The following CNTFR variants were observed in gnomAD, a reference collection of about 807,000 sequenced individuals.
CNTFR encodes the protein ciliary neurotrophic factor receptor subunit alpha.
In CNTFR, 12 loss-of-function variants were observed where a neutral mutation model predicts 40.4. That is an observed-to-expected ratio of 0.30 (90% CI 0.19 to 0.48). The LOEUF (loss-of-function observed/expected upper bound fraction) is 0.48. CNTFR is among the 20% of genes least tolerant of loss of function. The pLI is 0.99. For synonymous variants in CNTFR, 202 were observed against 209.6 expected, an observed-to-expected ratio of 0.96 and a Z score of 0.31; for missense variants, 414 against 506.8, an observed-to-expected ratio of 0.82 and a Z score of 1.76.
chr9:34,585,919 C>G (rs939505283), intron 1 of CNTFR, among the ~76,000 whole-genome samples: 1 of 152,238 alleles, frequency 6.6e-6, no homozygotes, highest in Admixed American at 6.5e-5. Context: ...GATTCATTTA[C>G]ACTTCAACTC....
intron 2 of CNTFR, among the ~76,000 whole-genome samples, chr9:34,572,247 G>A (rs912843514): frequency 6.6e-6 from 1 of 151,874 alleles, no homozygotes; most frequent in African/African-American, 2.4e-5. Flanking sequence ...TCCCAACTGG[G>A]CCCAATGCCC....
intron 7 of CNTFR, among the ~76,000 whole-genome samples, chr9:34,553,703 C>T (rs917485428): frequency 2.0e-5 from 3 of 152,182 alleles, no homozygotes; most frequent in African/African-American, 7.2e-5. Context: ...ACTCTCGCCC[C>T]GCTGGCCCCA....
At chr9:34,566,508 G>A (rs966067782) in intron 3 of CNTFR, among the ~76,000 whole-genome samples, 1 of 151,974 alleles carries the variant, frequency 6.6e-6, no homozygotes, top group Non-Finnish European at 1.5e-5. Flanking sequence ...GCCACTGAGC[G>A]CCCCCAACAG....
In CNTFR at chr9:34,578,162, C is replaced by CGGGTGGGCGAGGGGCCG. The variant is rs1189919070; in HGVS notation, c.-1+2916_-1+2932dup. On this transcript the variant is annotated intron_variant, in intron 2 of 9. Transcript: ENST00000378980. ...CAACCCCCACAGCGGTCCCGGCGGG[C>CGGGTGGGCGAGGGGCCG]GGGTGGGCGAGGGGCCGGGCCGCGC... 1.7e-3 allele frequency among the ~76,000 whole-genome samples: 247 copies of CGGGTGGGCGAGGGGCCG among 143,924 alleles called. 2 individuals are homozygous for CGGGTGGGCGAGGGGCCG. Among genetic ancestry groups the CGGGTGGGCGAGGGGCCG allele is most frequent in the African/African-American group, 5.9e-3 (233 of 39,438 alleles). 94.4% of individuals were successfully genotyped at this position (143,924 alleles called of 152,430 possible). A position where few individuals can be genotyped will look rare whatever the true frequency, so the allele number is the denominator to read the frequency against.
chr9:34,556,179 C>A (rs1160783231), intron 7 of CNTFR, 76 bp downstream of exon 7: 4 of 1,494,022 alleles, frequency 2.7e-6, no homozygotes, highest in Non-Finnish European at 3.7e-6. Flanking sequence ...GCTGCTGCCA[C>A]GTGGGATATG....
At chr9:34,558,794 T>A (rs941884108) in intron 4 of CNTFR, among the ~76,000 whole-genome samples, 4 of 152,078 alleles carry the variant, frequency 2.6e-5, no homozygotes, top group African/African-American at 9.7e-5. Flanking sequence ...CACTCTGGAA[T>A]AGGAAGGCCC....
intron 4 of CNTFR, among the ~76,000 whole-genome samples, chr9:34,562,066 G>A: frequency 6.6e-6 from 1 of 152,238 alleles, no homozygotes; most frequent in East Asian, 1.9e-4. Flanking sequence ...ACCTCTCAAA[G>A]AAGATCACAT....
chr9:34,552,330 C>G lies in CNTFR; in HGVS notation c.950-1G>C. 6.5e-7 allele frequency: 1 copy of G among 1,536,182 alleles called. No individual in the cohort carries two copies. ...GAGCTGGTGGTGCTGGTCGTGGTCT[C>G]TGGGGAACATGGGGGAAACTCAGGG... On this transcript the variant is annotated splice_acceptor_variant, in intron 8 of 9. Transcript: ENST00000378980. LOFTEE classifies it high-confidence loss of function. This position sits in a 1 kb window ranked among gnomAD's most constrained non-coding sequence, Gnocchi z 5.1.
chr9:34,583,840 G>A (rs1564076863), intron 1 of CNTFR, among the ~76,000 whole-genome samples: 1 of 152,096 alleles, frequency 6.6e-6, no homozygotes, highest in Non-Finnish European at 1.5e-5. Context: ...GCAATTTCAC[G>A]GAGGGGCCCA....
intron 4 of CNTFR, among the ~76,000 whole-genome samples, chr9:34,559,466 C>T (rs10972147): frequency 0.019 from 2,890 of 152,304 alleles, 42 homozygotes; most frequent in Non-Finnish European, 0.029. Context: ...CCAGCTGAGA[C>T]CCCACAGGGC....
rs774731062 is a variant in CNTFR, at chr9:34,568,878, G to A, written c.85+19C>T. 1.8e-5 allele frequency: 28 copies of A among 1,567,000 alleles called. No homozygotes were observed. In the African/African-American group the frequency reaches 2.0e-4, roughly 11 times the overall value. On this transcript the variant is annotated intron_variant, in intron 3 of 9. Transcript: ENST00000378980. ...AGCTCTGAGAGGGGGGTCAGCAGGC[G>A]GCTCCCGTGAGCACTCACCCTGTGG...
intron 4 of CNTFR, among the ~76,000 whole-genome samples, chr9:34,562,696 C>A (rs561663865): frequency 5.6e-4 from 85 of 152,192 alleles, no homozygotes; most frequent in African/African-American, 2.0e-3. Flanking sequence ...TAAAATGAGG[C>A]CAGAGGAGCT....
chr9:34,555,073 C>T (rs147034432), intron 7 of CNTFR, among the ~76,000 whole-genome samples: 36 of 152,236 alleles, frequency 2.4e-4, no homozygotes, highest in Non-Finnish European at 4.6e-4. Context: ...GTGTGGTGGG[C>T]GGTGTGCCAG....
intron 1 of CNTFR, among the ~76,000 whole-genome samples, chr9:34,586,014 A>C (rs554330231): frequency 3.7e-4 from 57 of 152,194 alleles, no homozygotes; most frequent in African/African-American, 1.3e-3. Flanking sequence ...CAGGACGGGG[A>C]GCAGTTACAG....
chr9:34,577,156 G>C (rs927762354), intron 2 of CNTFR, among the ~76,000 whole-genome samples: 4 of 152,184 alleles, frequency 2.6e-5, no homozygotes, highest in Non-Finnish European at 4.4e-5. Context: ...GAGTAGACGC[G>C]GAGTCGCTGT....
chr9:34,558,556 G>A (rs1813882606), intron 4 of CNTFR, among the ~76,000 whole-genome samples: 1 of 152,184 alleles, frequency 6.6e-6, no homozygotes, highest in Non-Finnish European at 1.5e-5. Flanking sequence ...AGGGGTATAC[G>A]TGCTACATGC....
Position 34,557,553 on chromosome 9 carries a change from C to A in CNTFR, c.577G>T (p.Ala193Ser). The A allele has an allele frequency of 6.2e-7, 1 of 1,614,172 alleles. No homozygotes were observed. The highest frequency in any genetic ancestry group is 8.5e-7 in the Non-Finnish European group (1 of 1,180,004). Residue 193 changes from alanine (A) to serine (S), a missense_variant, in exon 6 of 10, where the codon GCT becomes TCT. Ala to Ser is a moderately conservative substitution (Grantham distance 99). Coordinates refer to ENST00000378980, the MANE Select transcript of CNTFR (RefSeq NM_147164.3). The surrounding 1 kb of genome is among the most constrained non-coding windows in gnomAD (Gnocchi z 4.2). ...ATGGTGAACTCGTCAAAGGTGATAGCTGTGGCATTGTGGCCCAGGGCATTG... is the reference window on the plus strand; with the variant it reads ...ATGGTGAACTCGTCAAAGGTGATAGATGTGGCATTGTGGCCCAGGGCATTG... ...VSNALGHNATAITFDEFTIVK... is the reference protein window; with the variant it reads ...VSNALGHNATSITFDEFTIVK...
chr9:34,555,502 G>A (rs12552754), intron 7 of CNTFR, among the ~76,000 whole-genome samples: 6 of 151,990 alleles, frequency 3.9e-5, no homozygotes, highest in African/African-American at 2.4e-5. Flanking sequence ...AAGAGAACCC[G>A]AAGTCTGCCC....
In CNTFR at chr9:34,555,951, A is replaced by G. The variant is rs563756162; in HGVS notation, c.768+304T>C. ...CCCTCCCCCGCCATCTCCCTCCCCCACCATCTCCCTCCCCCGCCATCTCCC... is the reference window on the plus strand; with the variant it reads ...CCCTCCCCCGCCATCTCCCTCCCCCGCCATCTCCCTCCCCCGCCATCTCCC... On this transcript the variant is annotated intron_variant, in intron 7 of 9. Coordinates refer to ENST00000378980, the MANE Select transcript of CNTFR (RefSeq NM_147164.3). Among the ~76,000 whole-genome samples, 170 of 23,192 alleles carry G rather than the reference A, an allele frequency of 7.3e-3. 1 individual carries two copies. The highest frequency in any genetic ancestry group is 0.042 in the Middle Eastern group (1 of 24). The allele number at this position is 23,192 out of a possible 152,430, so 15.2% of individuals were successfully genotyped here.
Sources: allele counts gnomAD v4.1 joint callset (sites outside exome capture counted in the v4.1 genomes callset), GRCh38; gene constraint gnomAD v4.1.1; non-coding constraint Gnocchi (gnomAD v3.1); transcripts MANE v1.5; gene names NCBI Gene and HGNC (gene_info 2026-07-23, HGNC 2026-07-21).